Variants in NELL2 observed in about 807,000 individuals in gnomAD.
NELL2 encodes protein kinase C-binding protein NELL2.
Under a neutral mutation model 109.6 loss-of-function variants are expected in NELL2, and 41 were observed. That is an observed-to-expected ratio of 0.37 (90% confidence interval 0.29 to 0.49). The LOEUF (loss-of-function observed/expected upper bound fraction) is 0.49. NELL2 is among the 20% of genes least tolerant of loss of function. The pLI is 0.98. For synonymous variants in NELL2, 355 were observed against 344.7 expected, an observed-to-expected ratio of 1.03 and a Z score of -0.33; for missense variants, 900 against 1,008.3, an observed-to-expected ratio of 0.89 and a Z score of 1.45.
At chr12:44,854,827 C>A (rs1188872211) in intron 2 of NELL2, among the ~76,000 whole-genome samples, 1 of 151,870 alleles carries the variant, frequency 6.6e-6, no homozygotes, top group Non-Finnish European at 1.5e-5. Flanking sequence ...AATGTTGGAA[C>A]TTTGTTGAAA....
chr12:44,791,108 T>TATATAC (rs1491303180), intron 3 of NELL2, among the ~76,000 whole-genome samples: 3 of 18,810 alleles, frequency 1.6e-4, no homozygotes, highest in African/African-American at 7.5e-4. Flanking sequence ...TATATATATA[T>TATATAC]GTATATATAT....
chr12:44,551,852 C>A (rs1343994235), intron 15 of NELL2, among the ~76,000 whole-genome samples: 2 of 152,010 alleles, frequency 1.3e-5, no homozygotes, highest in Non-Finnish European at 2.9e-5. Context: ...CAAATGAAAC[C>A]AAAAGCTTTT....
intron 13 of NELL2, among the ~76,000 whole-genome samples, chr12:44,637,981 G>C (rs1946707961): frequency 6.6e-6 from 1 of 151,960 alleles, no homozygotes; most frequent in Non-Finnish European, 1.5e-5. Flanking sequence ...GTATGGACCA[G>C]GAATTCTTTC....
chr12:44,820,260 C>CT (rs1943495234), intron 2 of NELL2, among the ~76,000 whole-genome samples: 1 of 152,102 alleles, frequency 6.6e-6, no homozygotes. Context: ...AGGGCCTAAA[C>CT]TATGTAAGTG....
At chr12:44,802,097 A>C (rs1018776071) in intron 3 of NELL2, among the ~76,000 whole-genome samples, 1 of 152,094 alleles carries the variant, frequency 6.6e-6, no homozygotes, top group African/African-American at 2.4e-5. Context: ...GTATTACTCT[A>C]CATTATTGAA....
At chr12:44,664,463 T>G (rs1947852816) in intron 13 of NELL2, among the ~76,000 whole-genome samples, 1 of 152,092 alleles carries the variant, frequency 6.6e-6, no homozygotes, top group Non-Finnish European at 1.5e-5. Context: ...GTGATAAGGC[T>G]ATCAATTAGC....
intron 13 of NELL2, among the ~76,000 whole-genome samples, chr12:44,622,007 C>G (rs879798070): frequency 6.6e-6 from 1 of 152,148 alleles, no homozygotes; most frequent in Non-Finnish European, 1.5e-5. Flanking sequence ...AATCAGTATA[C>G]TTCTTGAGAA....
upstream of NELL2, chr12:44,876,351 C>T (rs1316992294): frequency 6.6e-6 from 8 of 1,206,264 alleles, no homozygotes; most frequent in East Asian, 2.5e-4. Context: ...AGAGACTGCT[C>T]CTCCGGGGAG....
intron 17 of NELL2, chr12:44,522,985 T>C (rs530344898): frequency 2.1e-4 from 68 of 321,122 alleles, no homozygotes; most frequent in African/African-American, 1.4e-3. Context: ...AAAAACATAA[T>C]GTTGAGAGAA....
chr12:44,900,833 A>G (rs1047749131), intron 1 of NELL2, among the ~76,000 whole-genome samples: 1 of 152,168 alleles, frequency 6.6e-6, no homozygotes, highest in African/African-American at 2.4e-5. Flanking sequence ...TACTAAAAAT[A>G]CAAAAATTGG....
At chr12:44,883,596 A>G (rs1018805036) in intron 1 of NELL2, among the ~76,000 whole-genome samples, 6 of 152,054 alleles carry the variant, frequency 3.9e-5, no homozygotes, top group African/African-American at 1.5e-4. Flanking sequence ...GGCTACCACA[A>G]TGATTGAAAG....
intron 2 of NELL2, among the ~76,000 whole-genome samples, chr12:44,867,207 C>T (rs996778623): frequency 1.3e-5 from 2 of 152,042 alleles, no homozygotes; most frequent in Admixed American, 6.6e-5. Context: ...ATATTGCTGA[C>T]GAACAGAGAT....
intron 9 of NELL2, among the ~76,000 whole-genome samples, chr12:44,741,126 C>T (rs1360902245): frequency 3.9e-5 from 6 of 152,148 alleles, no homozygotes; most frequent in Non-Finnish European, 5.9e-5. Flanking sequence ...TCCTCCTCAA[C>T]GTACTCAATG....
At chr12:44,578,652 A>G (rs1025831712) in intron 15 of NELL2, among the ~76,000 whole-genome samples, 4 of 152,042 alleles carry the variant, frequency 2.6e-5, no homozygotes, top group Non-Finnish European at 4.4e-5. Context: ...TGTGGCAACA[A>G]AAAACTCCAG....
chr12:44,706,763 T>C (rs569843850), intron 11 of NELL2, among the ~76,000 whole-genome samples: 3 of 152,324 alleles, frequency 2.0e-5, no homozygotes, highest in African/African-American at 7.2e-5. Context: ...TATAGACAGA[T>C]GGATGAACCA....
chr12:44,914,691 G>A (rs551572560), upstream of NELL2, among the ~76,000 whole-genome samples: 1 of 151,986 alleles, frequency 6.6e-6, no homozygotes, highest in African/African-American at 2.4e-5. Flanking sequence ...GTAGCTGCTC[G>A]GTAAATATTT....
intron 3 of NELL2, among the ~76,000 whole-genome samples, chr12:44,795,389 G>A (rs779691753): frequency 6.6e-6 from 1 of 152,102 alleles, no homozygotes; most frequent in Non-Finnish European, 1.5e-5. Flanking sequence ...TACTACCTGT[G>A]ACCTAGGTAG....
chr12:44,721,180 A>G (rs536721781), intron 9 of NELL2, among the ~76,000 whole-genome samples: 11 of 152,314 alleles, frequency 7.2e-5, no homozygotes, highest in African/African-American at 2.6e-4. Context: ...AACTTTACCA[A>G]TTTAAATGGC....
intron 17 of NELL2, 144 bp from the exon 18 acceptor site, chr12:44,522,320 G>T: frequency 3.0e-6 from 2 of 673,292 alleles, no homozygotes; most frequent in Non-Finnish European, 4.4e-6. Flanking sequence ...ATTTTCTTTA[G>T]CATTTCTTTT....
Sources: allele counts gnomAD v4.1 joint callset (sites outside exome capture counted in the v4.1 genomes callset), GRCh38; gene constraint gnomAD v4.1.1; transcripts MANE v1.5; gene names NCBI Gene and HGNC (gene_info 2026-07-23, HGNC 2026-07-21).